STIM2: variants seen among roughly 807,000 people sequenced by gnomAD.
The protein encoded by STIM2 is stromal interaction molecule 2.
In STIM2, 31 loss-of-function variants were observed where a neutral mutation model predicts 85.8. The observed-to-expected ratio is 0.36, with a 90% confidence interval of 0.27 to 0.49. The LOEUF (loss-of-function observed/expected upper bound fraction) is 0.49. STIM2 is among the 20% of genes least tolerant of loss of function. The probability of loss-of-function intolerance (pLI) is 0.98; values close to 1 mark genes in which losing one functional copy is unlikely to be tolerated. For synonymous variants in STIM2, 356 were observed against 331.1 expected (o/e 1.08, Z -0.82); for missense variants, 841 against 927.6 (o/e 0.91, Z 1.21).
At position 27,022,689 on chromosome 4, in the gene STIM2, A is replaced by G; in HGVS notation, c.1934A>G (p.Asp645Gly). The change falls in exon 12 of 12, where the codon GAT becomes GGT. Residue 645 changes from aspartate (D) to glycine (G), a missense_variant. Asp to Gly is a moderately conservative substitution (Grantham distance 94, BLOSUM62 -1). This residue lies in a region of STIM2 where 293 missense variants were observed against 284.5 expected (regional missense o/e 1.03). Coordinates refer to ENST00000467087, the MANE Select transcript of STIM2 (RefSeq NM_020860.4). ...CGAGGGGATTCGCCTGTAACTGTGG[A>G]TGTGTCTTGGGGTTCTCCCGACTGT... The G allele has an allele frequency of 6.2e-7, 1 of 1,614,178 alleles. No homozygotes were observed. The highest frequency in any genetic ancestry group is 8.5e-7 in the Non-Finnish European group (1 of 1,180,032).
chr4:26,975,066 G>A (rs568521194), intron 3 of STIM2, among the ~76,000 whole-genome samples: 208 of 151,716 alleles, frequency 1.4e-3, no homozygotes, highest in African/African-American at 4.9e-3. Context: ...TGAAGTTCTC[G>A]TGCCATAGTT....
At chr4:26,940,723 A>G (rs1443661231) in intron 2 of STIM2, among the ~76,000 whole-genome samples, 1 of 152,104 alleles carries the variant, frequency 6.6e-6, no homozygotes, top group African/African-American at 2.4e-5. Context: ...GACAATTATT[A>G]CTTAGTTTAA....
intron 3 of STIM2, among the ~76,000 whole-genome samples, chr4:26,982,133 A>G (rs1727420785): frequency 1.3e-5 from 2 of 152,214 alleles, no homozygotes; most frequent in African/African-American, 2.4e-5. Flanking sequence ...TCTACTTACT[A>G]GTTGGCGTTC....
intron 1 of STIM2, among the ~76,000 whole-genome samples, chr4:26,913,262 A>G (rs1724407975): frequency 6.6e-6 from 1 of 151,984 alleles, no homozygotes; most frequent in Non-Finnish European, 1.5e-5. Context: ...TATAAGATGT[A>G]TAACAGTAGT....
intron 2 of STIM2, among the ~76,000 whole-genome samples, chr4:26,933,190 C>CA (rs1161592168): frequency 0.014 from 1,270 of 92,216 alleles, 8 homozygotes; most frequent in African/African-American, 0.042. Flanking sequence ...ATTGAGAGCT[C>CA]AAAAAAAAAA....
intron 3 of STIM2, among the ~76,000 whole-genome samples, chr4:26,962,422 C>A (rs753618488): frequency 2.0e-5 from 3 of 152,094 alleles, no homozygotes; most frequent in African/African-American, 4.8e-5. Context: ...ATATATTTAC[C>A]AGCATTGTGT....
At chr4:26,914,715 G>A (rs1055211613) in intron 1 of STIM2, among the ~76,000 whole-genome samples, 1 of 152,246 alleles carries the variant, frequency 6.6e-6, no homozygotes, top group South Asian at 2.1e-4. Context: ...TACAATGCAT[G>A]TTCCCAATCA....
intron 1 of STIM2, among the ~76,000 whole-genome samples, chr4:26,876,436 T>G (rs1180155998): frequency 6.6e-6 from 1 of 152,094 alleles, no homozygotes; most frequent in African/African-American, 2.4e-5. Flanking sequence ...ATTTTAAAAG[T>G]CTTAAAACTC....
intron 1 of STIM2, among the ~76,000 whole-genome samples, chr4:26,868,629 CCTA>C (rs1340021727): frequency 1.3e-5 from 2 of 152,154 alleles, no homozygotes. Context: ...GTTTTTGTCT[CCTA>C]CTCAGCACAC....
intron 2 of STIM2, among the ~76,000 whole-genome samples, chr4:26,929,158 T>G (rs1002754044): frequency 6.6e-6 from 1 of 152,164 alleles, no homozygotes; most frequent in Admixed American, 6.6e-5. Flanking sequence ...TTTAGACATA[T>G]TGGGTTACAT....
At chr4:27,013,725 A>C (rs1728639312) in intron 10 of STIM2, among the ~76,000 whole-genome samples, 1 of 152,020 alleles carries the variant, frequency 6.6e-6, no homozygotes, top group Non-Finnish European at 1.5e-5. Context: ...TAAATTAAGT[A>C]ATACCTGTAA....
At chr4:26,995,067 G>T (rs530263897) in intron 3 of STIM2, among the ~76,000 whole-genome samples, 1 of 152,206 alleles carries the variant, frequency 6.6e-6, no homozygotes, top group East Asian at 1.9e-4. Flanking sequence ...CTAGATGAAA[G>T]AATGAACAAG....
intron 3 of STIM2, among the ~76,000 whole-genome samples, chr4:26,994,507 GTCT>G (rs954626936): frequency 6.6e-6 from 1 of 152,032 alleles, no homozygotes; most frequent in Non-Finnish European, 1.5e-5. Context: ...ATAAGGAATG[GTCT>G]TCTTATTTCT....
intron 1 of STIM2, among the ~76,000 whole-genome samples, chr4:26,918,600 C>T (rs534363429): frequency 6.6e-4 from 101 of 152,234 alleles, no homozygotes; most frequent in African/African-American, 2.3e-3. Context: ...ATTGTAGTGA[C>T]TTGATAGAAG....
At chr4:26,878,264 A>C (rs1022227318) in intron 1 of STIM2, among the ~76,000 whole-genome samples, 5 of 152,154 alleles carry the variant, frequency 3.3e-5, no homozygotes, top group African/African-American at 1.2e-4. Context: ...TCTTGAGAGT[A>C]GAACCTTTTC....
At chr4:26,950,605 A>G (rs537008101) in intron 2 of STIM2, among the ~76,000 whole-genome samples, 1 of 152,274 alleles carries the variant, frequency 6.6e-6, no homozygotes, top group Non-Finnish European at 1.5e-5. Flanking sequence ...GTAACAAGGC[A>G]CTCACCAGAT....
At chr4:26,876,419 G>A (rs1722817549) in intron 1 of STIM2, among the ~76,000 whole-genome samples, 1 of 152,004 alleles carries the variant, frequency 6.6e-6, no homozygotes, top group Admixed American at 6.6e-5. Context: ...CTTTAACTCA[G>A]GGTTGCATTT....
At chr4:26,863,319 A>C (rs1214170258) in intron 1 of STIM2, among the ~76,000 whole-genome samples, 1 of 152,166 alleles carries the variant, frequency 6.6e-6, no homozygotes, top group East Asian at 1.9e-4. Context: ...TTTTGTCAGA[A>C]TATTGATTTT....
At chr4:26,994,557 TATC>T (rs1352049730) in intron 3 of STIM2, among the ~76,000 whole-genome samples, 2 of 152,124 alleles carry the variant, frequency 1.3e-5, no homozygotes, top group Non-Finnish European at 1.5e-5. Context: ...TTTTTAGTCT[TATC>T]ATGAACAATC....
Sources: gnomAD v4.1 joint callset for allele counts (sites outside exome capture counted in the v4.1 genomes callset) on GRCh38, gnomAD v4.1.1 for gene constraint, gnomAD v4.1.1 regional missense constraint, MANE v1.5 for transcripts, NCBI Gene and HGNC (gene_info 2026-07-23, HGNC 2026-07-21) for gene names.